The following PPP1R16B variants were observed in gnomAD, a reference collection of about 807,000 sequenced individuals.
PPP1R16B encodes protein phosphatase 1 regulatory inhibitor subunit 16B.
PPP1R16B carries 14 observed loss-of-function variants against 61.7 expected under a neutral mutation model. The ratio of observed to expected loss-of-function variants is 0.23; its 90% CI spans 0.15 to 0.35. PPP1R16B has a LOEUF of 0.35. Ranked by LOEUF, PPP1R16B falls within the 10% of genes least tolerant of loss-of-function variation. The probability of loss-of-function intolerance (pLI) is 1.00; values close to 1 mark genes in which losing one functional copy is unlikely to be tolerated. For missense variants in PPP1R16B, 547 were observed against 752.5 expected (o/e 0.73, Z 3.19); for synonymous variants, 266 against 305.3 (o/e 0.87, Z 1.34).
At chr20:38,824,925 C>G (rs1359387872) in intron 1 of PPP1R16B, among the ~76,000 whole-genome samples, 2 of 152,164 alleles carry the variant, frequency 1.3e-5, no homozygotes, top group Non-Finnish European at 2.9e-5. Flanking sequence ...ACCCAGGAGG[C>G]AGAGGTTGCA....
At chr20:38,879,456 A>G (rs2085190473) in intron 2 of PPP1R16B, among the ~76,000 whole-genome samples, 1 of 152,178 alleles carries the variant, frequency 6.6e-6, no homozygotes, top group Admixed American at 6.5e-5. Context: ...CCCAACCTCC[A>G]TGTGTCAGAA....
At chr20:38,810,852 G>T (rs185975896) in intron 1 of PPP1R16B, among the ~76,000 whole-genome samples, 45 of 152,296 alleles carry the variant, frequency 3.0e-4, no homozygotes, top group African/African-American at 1.0e-3. Flanking sequence ...AGGAACTCAC[G>T]TCTTGGGGGG....
At chr20:38,911,405 A>T (rs140363934) in intron 10 of PPP1R16B, among the ~76,000 whole-genome samples, 4,251 of 151,190 alleles carry the variant, frequency 0.028, 202 homozygotes, top group African/African-American at 0.097. Context: ...TGACCTCGTG[A>T]TCCACCCGCC....
At chr20:38,877,710 G>A (rs576335236) in intron 2 of PPP1R16B, among the ~76,000 whole-genome samples, 12 of 152,070 alleles carry the variant, frequency 7.9e-5, no homozygotes, top group Non-Finnish European at 1.0e-4. Context: ...CTCCTGCACC[G>A]CTAGCCCCAG....
At chr20:38,904,758 T>A (rs1462597743) in intron 6 of PPP1R16B, among the ~76,000 whole-genome samples, 1 of 152,192 alleles carries the variant, frequency 6.6e-6, no homozygotes, top group Non-Finnish European at 1.5e-5. Flanking sequence ...ATGCCTTCTT[T>A]GTCCCACTGA....
intron 2 of PPP1R16B, among the ~76,000 whole-genome samples, chr20:38,871,381 C>T (rs1347402019): frequency 6.6e-6 from 1 of 152,064 alleles, no homozygotes; most frequent in Admixed American, 6.5e-5. Context: ...CCCTCAGGGT[C>T]ACCTCTGGGC....
rs142995075 is a variant in PPP1R16B, at chr20:38,814,350, G to A, written c.-102+8558G>A. On this transcript the variant is annotated intron_variant, in intron 1 of 10. Coordinates refer to ENST00000299824, the MANE Select transcript of PPP1R16B (RefSeq NM_015568.4). ...TTTTCTTGTCCTTCCTTCAGAGGGG[G>A]GAAGGCTAGCAATGACCTTGGCTGG... 2.3e-3 allele frequency among the ~76,000 whole-genome samples: 349 copies of A among 152,214 alleles called. 5 individuals are homozygous for A. Among genetic ancestry groups the A allele is most frequent in the African/African-American group, 8.0e-3 (331 of 41,528 alleles).
chr20:38,834,651 A>G (rs2145719137), intron 1 of PPP1R16B, among the ~76,000 whole-genome samples: 1 of 152,286 alleles, frequency 6.6e-6, no homozygotes, highest in East Asian at 1.9e-4. Flanking sequence ...TGAGCATCCC[A>G]AAGAGCTTTT....
intron 1 of PPP1R16B, among the ~76,000 whole-genome samples, chr20:38,809,097 G>A (rs73112067): frequency 0.099 from 15,100 of 152,026 alleles, 804 homozygotes; most frequent in African/African-American, 0.14. Flanking sequence ...TGCAGGAAAT[G>A]ATCATTGTCA....
chr20:38,888,575 C>T (rs2085264318), intron 2 of PPP1R16B, among the ~76,000 whole-genome samples: 1 of 152,096 alleles, frequency 6.6e-6, no homozygotes, highest in African/African-American at 2.4e-5. Context: ...TCCCACTGGC[C>T]CCCTGGACTC....
intron 2 of PPP1R16B, among the ~76,000 whole-genome samples, chr20:38,841,334 T>G (rs2084907647): frequency 8.3e-6 from 1 of 120,950 alleles, no homozygotes; most frequent in African/African-American, 3.2e-5. Context: ...TAGACCAGCC[T>G]GGAGAGCCTG....
chr20:38,903,668 C>T (rs1425507693), intron 6 of PPP1R16B, among the ~76,000 whole-genome samples: 2 of 152,176 alleles, frequency 1.3e-5, no homozygotes, highest in Admixed American at 1.3e-4. Flanking sequence ...ATGAGCACCT[C>T]CTCTGTGCAC....
At position 38,921,528 on chromosome 20, in the gene PPP1R16B, A is replaced by G. The variant is rs555912575; in HGVS notation, c.*2862A>G. 2 of 152,296 alleles carry G rather than the reference A, an allele frequency of 1.3e-5. No individual in the cohort carries two copies. The highest frequency in any genetic ancestry group is 4.1e-4 in the South Asian group (2 of 4,826). 9.4% of individuals were successfully genotyped at this position (152,296 alleles called of 1,614,324 possible). ...GCTTTTCGGCTCCTAGAATCCTTAG[A>G]GTCTGAATTCCTTTAGCTGGGAACA... On this transcript the variant is annotated 3_prime_UTR_variant, in exon 11 of 11. Coordinates refer to ENST00000299824, the MANE Select transcript of PPP1R16B (RefSeq NM_015568.4).
At chr20:38,915,207 C>T (rs946851283) in intron 10 of PPP1R16B, among the ~76,000 whole-genome samples, 1 of 152,148 alleles carries the variant, frequency 6.6e-6, no homozygotes, top group African/African-American at 2.4e-5. Context: ...GTCGTAACTC[C>T]TGTGGGTTTT....
In PPP1R16B at chr20:38,850,840, C is replaced by T. The variant is rs181981208; in HGVS notation, c.250+14665C>T. On this transcript the variant is annotated intron_variant, in intron 2 of 10. Coordinates refer to ENST00000299824, the MANE Select transcript of PPP1R16B (RefSeq NM_015568.4). ...AAAAATAACCAGGTGTGGTGGTGGG[C>T]ACCTGTAGTCCCAGGTACTCGGGAG... Among the ~76,000 whole-genome samples the T allele has an allele frequency of 2.1e-3, 318 of 151,864 alleles. 3 individuals are homozygous for T. The highest frequency in any genetic ancestry group is 7.4e-3 in the African/African-American group (308 of 41,422).
chr20:38,889,518 G>T (rs571786515), intron 2 of PPP1R16B, 77 bp from the exon 3 acceptor site: 2 of 1,259,006 alleles, frequency 1.6e-6, no homozygotes, highest in African/African-American at 1.5e-5. Flanking sequence ...GGGGGAGAGC[G>T]GGTCTTACCC....
At chr20:38,884,101 T>A (rs1478452664) in intron 2 of PPP1R16B, among the ~76,000 whole-genome samples, 1 of 152,172 alleles carries the variant, frequency 6.6e-6, no homozygotes, top group African/African-American at 2.4e-5. Flanking sequence ...TTCTCGTCTT[T>A]GTGCTCCCTG....
Position 38,835,996 on chromosome 20 carries a change from G to A in PPP1R16B, c.71G>A (p.Arg24Gln), listed in dbSNP as rs2084867632. 2 of 1,568,112 alleles carry A rather than the reference G, an allele frequency of 1.3e-6. No homozygotes were observed. Among genetic ancestry groups the A allele is most frequent in the Admixed American group, 1.9e-5 (1 of 53,124 alleles). ...LEKVPTLERL[R>Q]AAQKRRAQQL... The stretch of plus-strand genomic sequence containing the variant: ...AAGGTGCCCACGCTGGAGCGGCTGC[G>A]GGCTGCCCAGAAGCGCCGGGCCCAG... Residue 24 changes from arginine (R) to glutamine (Q), a missense_variant, in exon 2 of 11, where the codon CGG becomes CAG. Arg to Gln is a conservative substitution (Grantham distance 43, BLOSUM62 1). Coordinates refer to ENST00000299824, the MANE Select transcript of PPP1R16B (RefSeq NM_015568.4).
Position 38,908,028 on chromosome 20 carries a change from G to A in PPP1R16B, c.1029G>A (p.Gly343=), listed in dbSNP as rs1568684661. Reference sequence around the variant, plus strand: ...TCTAGGACCCACTTTGTCCTCTCAGGAAGGTGGTGCGGCGAGCCAGCCTGT... The same window carrying A: ...TCTAGGACCCACTTTGTCCTCTCAGAAAGGTGGTGCGGCGAGCCAGCCTGT... The part of the protein sequence containing the change: ...SRRTSSAGSR[G]KVVRRASLSD... Residue 343 remains glycine, a splice_region_variant and synonymous_variant, in exon 10 of 11, where the codon GGG becomes GGA. Transcript: ENST00000299824. 1 of 1,614,086 alleles carries A rather than the reference G, an allele frequency of 6.2e-7. No individual in the cohort carries two copies. The highest frequency in any genetic ancestry group is 8.5e-7 in the Non-Finnish European group (1 of 1,180,034).
Sources: gnomAD v4.1 joint callset for allele counts (sites outside exome capture counted in the v4.1 genomes callset) on GRCh38, gnomAD v4.1.1 for gene constraint, MANE v1.5 for transcripts, NCBI Gene and HGNC (gene_info 2026-07-23, HGNC 2026-07-21) for gene names.